The following CNTN5 variants were observed in gnomAD, a reference collection of about 807,000 sequenced individuals.
The protein encoded by CNTN5 is contactin-5.
A neutral mutation model predicts 129.1 loss-of-function variants in CNTN5; 77 were observed. That is an observed-to-expected ratio of 0.60 (90% CI 0.50 to 0.72). The LOEUF is 0.72. Ranked by LOEUF, CNTN5 falls within the 30% of genes least tolerant of loss-of-function variation. The pLI is 0.00. For missense variants in CNTN5, 1,478 were observed against 1,328.8 expected (o/e 1.11, Z -1.75); for synonymous variants, 509 against 465.6 (o/e 1.09, Z -1.20).
intron 3 of CNTN5, among the ~76,000 whole-genome samples, chr11:99,716,065 G>A (rs1034202827): frequency 2.6e-5 from 4 of 151,684 alleles, no homozygotes; most frequent in African/African-American, 4.8e-5. Flanking sequence ...AAATGTTTTC[G>A]AGATGTGTTT....
intron 2 of CNTN5, among the ~76,000 whole-genome samples, chr11:99,347,782 G>C (rs1461800951): frequency 6.6e-6 from 1 of 152,138 alleles, no homozygotes; most frequent in Admixed American, 6.6e-5. Context: ...TCTGTCAGCA[G>C]AACTCCTGCT....
intron 13 of CNTN5, among the ~76,000 whole-genome samples, chr11:100,163,597 G>GT (rs1417548356): frequency 5.9e-4 from 90 of 151,768 alleles, no homozygotes; most frequent in Non-Finnish European, 1.0e-3. Context: ...GTGAATACCA[G>GT]AGGTCCTGAA....
intron 3 of CNTN5, among the ~76,000 whole-genome samples, chr11:99,803,708 T>C (rs761306942): frequency 4.6e-5 from 7 of 152,194 alleles, no homozygotes; most frequent in Admixed American, 2.0e-4. Context: ...TCCCTTTTCC[T>C]GGGTTTCTTG....
chr11:100,200,327 A>G (rs181654802), intron 15 of CNTN5, among the ~76,000 whole-genome samples: 11 of 152,086 alleles, frequency 7.2e-5, no homozygotes, highest in African/African-American at 2.4e-4. Flanking sequence ...AACGTCTTCA[A>G]GTTGTCCCAT....
chr11:99,886,773 G>A (rs745754871), intron 6 of CNTN5, among the ~76,000 whole-genome samples: 15 of 152,140 alleles, frequency 9.9e-5, no homozygotes, highest in Non-Finnish European at 8.8e-5. Flanking sequence ...CCAAATGCAC[G>A]CAATAGCATG....
At chr11:99,498,655 G>A (rs562460572) in intron 2 of CNTN5, among the ~76,000 whole-genome samples, 7 of 152,206 alleles carry the variant, frequency 4.6e-5, no homozygotes, top group South Asian at 2.1e-4. Flanking sequence ...TCTGATCTGT[G>A]GAAGCCAACC....
rs560161604 is a variant in CNTN5, at chr11:100,215,053, C to T, written c.1885-9639C>T. On this transcript the variant is annotated intron_variant, in intron 15 of 24. Coordinates refer to ENST00000524871, the MANE Select transcript of CNTN5 (RefSeq NM_014361.4). The stretch of plus-strand genomic sequence containing the variant: ...TGTTGCTTCTGCCAAGTCTAGAATC[C>T]CCAGTGTGATTTTGTTATTCACAAG... 5.3e-5 allele frequency among the ~76,000 whole-genome samples: 8 copies of T among 152,210 alleles called. No homozygotes were observed. In the South Asian group the frequency reaches 1.7e-3, roughly 32 times the overall value.
chr11:100,047,538 T>A (rs1942745929), intron 9 of CNTN5, among the ~76,000 whole-genome samples: 3 of 152,172 alleles, frequency 2.0e-5, no homozygotes, highest in Admixed American at 2.0e-4. Context: ...ATATGGACTA[T>A]AAACAGGAGA....
chr11:99,882,243 A>G (rs1407821474), intron 6 of CNTN5, among the ~76,000 whole-genome samples: 2 of 152,212 alleles, frequency 1.3e-5, no homozygotes, highest in Non-Finnish European at 2.9e-5. Flanking sequence ...AGTGATCTAG[A>G]TACTCTTGTG....
At chr11:100,040,317 C>T (rs770591) in intron 9 of CNTN5, among the ~76,000 whole-genome samples, 17,764 of 152,078 alleles carry the variant, frequency 0.12, 1,283 homozygotes, top group Middle Eastern at 0.27. Flanking sequence ...GCTGCCTGAT[C>T]GTTCCTCTGG....
chr11:99,880,496 G>A (rs920053535), intron 6 of CNTN5, among the ~76,000 whole-genome samples: 1 of 151,948 alleles, frequency 6.6e-6, no homozygotes, highest in African/African-American at 2.4e-5. Context: ...ATGACCAACT[G>A]GCGATTAAAA....
intron 2 of CNTN5, among the ~76,000 whole-genome samples, chr11:99,374,285 ATAAAG>A (rs1268781157): frequency 6.6e-6 from 1 of 152,224 alleles, no homozygotes; most frequent in East Asian, 1.9e-4. Context: ...TAAAAATAAA[ATAAAG>A]TAAATCATTT....
intron 4 of CNTN5, among the ~76,000 whole-genome samples, chr11:99,829,719 A>G (rs1457516990): frequency 6.6e-6 from 1 of 152,246 alleles, no homozygotes; most frequent in Non-Finnish European, 1.5e-5. Context: ...AGTTGTTAAT[A>G]ATTACTCTAA....
chr11:99,336,037 T>TA (rs35190716), intron 2 of CNTN5, among the ~76,000 whole-genome samples: 12,577 of 146,898 alleles, frequency 0.086, 731 homozygotes, highest in East Asian at 0.21. Flanking sequence ...TATTCTTGGA[T>TA]AAAAAAAAAA....
intron 1 of CNTN5, among the ~76,000 whole-genome samples, chr11:99,186,243 C>G (rs1440636594): frequency 1.3e-5 from 2 of 151,870 alleles, no homozygotes; most frequent in Admixed American, 6.6e-5. Flanking sequence ...TTCCATTACT[C>G]AAGGTTTCTA....
intron 6 of CNTN5, among the ~76,000 whole-genome samples, chr11:99,881,795 G>A (rs534717574): frequency 2.6e-4 from 40 of 152,302 alleles, no homozygotes; most frequent in South Asian, 4.1e-4. Context: ...CCCTCCAGCC[G>A]TGTATCGCAG....
intron 3 of CNTN5, among the ~76,000 whole-genome samples, chr11:99,815,057 T>C (rs997646512): frequency 6.6e-6 from 1 of 152,048 alleles, no homozygotes; most frequent in Non-Finnish European, 1.5e-5. Context: ...CCCTGACTCA[T>C]TTACCTCCGT....
intron 9 of CNTN5, among the ~76,000 whole-genome samples, chr11:100,038,304 C>G (rs538987786): frequency 1.3e-5 from 2 of 152,196 alleles, no homozygotes; most frequent in East Asian, 3.9e-4. Flanking sequence ...ATCCTGAGTT[C>G]TAGTTTGATT....
chr11:99,999,577 A>G (rs994089665), intron 8 of CNTN5, among the ~76,000 whole-genome samples: 4 of 152,184 alleles, frequency 2.6e-5, no homozygotes, highest in Non-Finnish European at 4.4e-5. Flanking sequence ...AACTAGTTCA[A>G]CCATTGTGGA....
Sources: allele counts gnomAD v4.1 joint callset (sites outside exome capture counted in the v4.1 genomes callset), GRCh38; gene constraint gnomAD v4.1.1; transcripts MANE v1.5; gene names NCBI Gene and HGNC (gene_info 2026-07-23, HGNC 2026-07-21).